The following CHN2 variants were observed in gnomAD, a reference collection of about 807,000 sequenced individuals.
The protein encoded by CHN2 is beta-chimaerin.
Under a neutral mutation model 56.3 loss-of-function variants are expected in CHN2, and 35 were observed. That is an observed-to-expected ratio of 0.62 (90% CI 0.47 to 0.82). The LOEUF is 0.82. Ranked by LOEUF, CHN2 falls within the 40% of genes least tolerant of loss-of-function variation. CHN2 has a pLI of 0.00. For synonymous variants in CHN2, 210 were observed against 212.8 expected, an observed-to-expected ratio of 0.99 and a Z score of 0.12; for missense variants, 491 against 580.5, an observed-to-expected ratio of 0.85 and a Z score of 1.58.
At chr7:29,437,597 C>CAAAAAAAAAAAAAAAA (rs11436612) in intron 6 of CHN2, among the ~76,000 whole-genome samples, 6 of 52,618 alleles carry the variant, frequency 1.1e-4, no homozygotes, top group East Asian at 8.4e-4. Context: ...GACTCCGTCT[C>CAAAAAAAAAAAAAAAA]AAAAAAAAAA....
chr7:29,246,466 A>T (rs1339211414), intron 1 of CHN2, among the ~76,000 whole-genome samples: 1 of 152,148 alleles, frequency 6.6e-6, no homozygotes, highest in Non-Finnish European at 1.5e-5. Flanking sequence ...CATTATTGGC[A>T]TAGTTTCTAT....
Position 29,509,336 on chromosome 7 carries a change from C to G in CHN2, c.1165C>G (p.His389Asp). The change falls in exon 12 of 13, where the codon CAT (histidine) becomes GAT (aspartate). Residue 389 changes from histidine (H) to aspartate (D), a missense_variant. By Grantham distance (81) the His-to-Asp change is moderately conservative. Coordinates refer to ENST00000222792, the MANE Select transcript of CHN2 (RefSeq NM_004067.4). ...TGCAGATGAGAGGCTGGAAGCCGTC[C>G]ATGAAGTGCTGATGCTGCTGCCTCC... ...SNADERLEAV[H>D]EVLMLLPPAH... 1 of 1,614,090 alleles carries G rather than the reference C, an allele frequency of 6.2e-7. No individual in the cohort carries two copies. The highest frequency in any genetic ancestry group is 8.5e-7 in the Non-Finnish European group (1 of 1,179,960).
chr7:29,349,993 T>G (rs1460873242), intron 1 of CHN2, among the ~76,000 whole-genome samples: 1 of 152,228 alleles, frequency 6.6e-6, no homozygotes, highest in Non-Finnish European at 1.5e-5. Flanking sequence ...GTTCCACCAT[T>G]TGGCTTAATG....
chr7:29,367,088 C>A (rs1252411768), intron 2 of CHN2, among the ~76,000 whole-genome samples: 2 of 151,708 alleles, frequency 1.3e-5, no homozygotes, highest in African/African-American at 4.8e-5. Flanking sequence ...TTTTTTCAAC[C>A]TGTATTTTCA....
intron 1 of CHN2, among the ~76,000 whole-genome samples, chr7:29,245,903 G>A (rs16874914): frequency 0.016 from 2,474 of 152,236 alleles, 70 homozygotes; most frequent in African/African-American, 0.055. Context: ...TCTCCTTGTC[G>A]AAGCCTTTGC....
chr7:29,320,012 T>A lies in CHN2; in HGVS notation c.50-34613T>A, dbSNP rs374303741. 8.4e-4 allele frequency among the ~76,000 whole-genome samples: 128 copies of A among 152,256 alleles called. 4 individuals are homozygous for A. The South Asian group carries it at 0.025, about 30-fold the overall frequency. ...GGGGAATTGATGAGTAGGTTGCTGG[T>A]CATCAATATTCAGTGAGGAACTCTG... On this transcript the variant is annotated intron_variant, in intron 1 of 12. Transcript: ENST00000222792.
chr7:29,392,984 C>T (rs1006105298), intron 3 of CHN2, among the ~76,000 whole-genome samples: 1 of 152,210 alleles, frequency 6.6e-6, no homozygotes, highest in African/African-American at 2.4e-5. Flanking sequence ...CCAACTCCAA[C>T]ATCATAAACA....
At chr7:29,176,145 CA>C (rs1797301362) in intron 2 of CHN2, among the ~76,000 whole-genome samples, 2 of 151,162 alleles carry the variant, frequency 1.3e-5, no homozygotes, top group Non-Finnish European at 2.9e-5. Flanking sequence ...AAGATCGCGC[CA>C]CTGCACTCCA....
At chr7:29,158,956 T>A (rs934668811) in intron 2 of CHN2, among the ~76,000 whole-genome samples, 3 of 152,238 alleles carry the variant, frequency 2.0e-5, no homozygotes, top group African/African-American at 7.2e-5. Context: ...CCAAATAAGA[T>A]ACCCTGCGGC....
At chr7:29,508,669 A>G (rs1334493713) in intron 11 of CHN2, among the ~76,000 whole-genome samples, 1 of 152,126 alleles carries the variant, frequency 6.6e-6, no homozygotes, top group Non-Finnish European at 1.5e-5. Context: ...TTCTTTGAGT[A>G]GCTGCCAGTA....
rs59227095 is a variant in CHN2, at chr7:29,291,735, G to GT, written c.50-62882dup. Among the ~76,000 whole-genome samples the GT allele has an allele frequency of 1.8e-3, 276 of 151,826 alleles. 1 individual carries two copies. Among genetic ancestry groups the GT allele is most frequent in the Middle Eastern group, 6.8e-3 (2 of 292 alleles). On this transcript the variant is annotated intron_variant, in intron 1 of 12. Transcript: ENST00000222792. Reference sequence around the variant, plus strand: ...GGCTAAAGCTTTGCACATCCTTAATGTTTTTTTTAAGTATTAAATCCTAGA... The same window carrying GT: ...GGCTAAAGCTTTGCACATCCTTAATGTTTTTTTTTAAGTATTAAATCCTAGA...
At chr7:29,238,120 C>T (rs956492745) in intron 1 of CHN2, among the ~76,000 whole-genome samples, 3 of 147,568 alleles carry the variant, frequency 2.0e-5, no homozygotes, top group African/African-American at 7.5e-5. Flanking sequence ...CGGGTTCAAG[C>T]GATTTGCCTG....
intron 8 of CHN2, among the ~76,000 whole-genome samples, 189 bp from the exon 9 acceptor site, chr7:29,499,678 A>G (rs1789726471): frequency 6.6e-6 from 1 of 152,240 alleles, no homozygotes; most frequent in African/African-American, 2.4e-5. Context: ...AAATGGAATC[A>G]TATAAGGGTT....
At chr7:29,450,590 C>T (rs1312653417) in intron 6 of CHN2, among the ~76,000 whole-genome samples, 2 of 152,132 alleles carry the variant, frequency 1.3e-5, no homozygotes, top group African/African-American at 2.4e-5. Flanking sequence ...TCTCCTAGCT[C>T]CAGAGGGAGC....
At chr7:29,499,814 T>C in intron 8 of CHN2, 53 bp from the exon 9 acceptor site, 1 of 1,478,374 alleles carries the variant, frequency 6.8e-7, no homozygotes, top group Non-Finnish European at 9.0e-7. Context: ...ATAATTTGTG[T>C]TGTGCTTTGA....
chr7:29,388,341 T>C (rs1657914547), intron 3 of CHN2, among the ~76,000 whole-genome samples: 1 of 152,144 alleles, frequency 6.6e-6, no homozygotes, highest in African/African-American at 2.4e-5. Flanking sequence ...AATGGAGACA[T>C]GTAAAAGGAG....
chr7:29,454,674 T>G (rs772537625), intron 6 of CHN2, among the ~76,000 whole-genome samples: 6 of 152,172 alleles, frequency 3.9e-5, no homozygotes, highest in Non-Finnish European at 5.9e-5. Flanking sequence ...CTGCTGCTTC[T>G]GCCCAAAAAT....
At chr7:29,291,461 T>C (rs769582045) in intron 1 of CHN2, among the ~76,000 whole-genome samples, 6 of 152,160 alleles carry the variant, frequency 3.9e-5, no homozygotes, top group Non-Finnish European at 8.8e-5. Context: ...TCTAATTGCC[T>C]TTTATGTACA....
chr7:29,386,837 T>G (rs1215563167), intron 3 of CHN2, among the ~76,000 whole-genome samples: 1 of 152,258 alleles, frequency 6.6e-6, no homozygotes, highest in Admixed American at 6.5e-5. Flanking sequence ...ATTTGCCAAT[T>G]CATTGATGGA....
Sources: gnomAD v4.1 joint callset for allele counts (sites outside exome capture counted in the v4.1 genomes callset) on GRCh38, gnomAD v4.1.1 for gene constraint, MANE v1.5 for transcripts, NCBI Gene and HGNC (gene_info 2026-07-23, HGNC 2026-07-21) for gene names.